The following GOLPH3L variants were observed in gnomAD, a reference collection of about 807,000 sequenced individuals.
GOLPH3L encodes the protein Golgi phosphoprotein 3-like.
In GOLPH3L, 22 loss-of-function variants were observed where a neutral mutation model predicts 30.3. The observed-to-expected ratio is 0.73, with a 90% confidence interval of 0.52 to 1.04. The LOEUF (loss-of-function observed/expected upper bound fraction) is 1.04, where lower values mean the gene tolerates loss of function less well. Ranked by LOEUF, GOLPH3L falls within the 50% of genes least tolerant of loss-of-function variation. The pLI, the probability that GOLPH3L is intolerant of heterozygous loss-of-function variation, is 0.00. For missense variants in GOLPH3L, 303 were observed against 345.8 expected, an observed-to-expected ratio of 0.88 and a Z score of 0.98; for synonymous variants, 120 against 128.2, an observed-to-expected ratio of 0.94 and a Z score of 0.43.
intron 1 of GOLPH3L, 53 bp downstream of exon 1, chr1:150,696,939 T>C (rs1282323334): frequency 6.6e-6 from 1 of 151,996 alleles, no homozygotes; most frequent in Admixed American, 6.6e-5. Context: ...AAATAGAGGT[T>C]TTTTTTGGTG....
intron 2 of GOLPH3L, among the ~76,000 whole-genome samples, chr1:150,670,603 T>A (rs994177947): frequency 6.6e-6 from 1 of 151,082 alleles, no homozygotes; most frequent in African/African-American, 2.5e-5. Flanking sequence ...TCTCAAAAAA[T>A]AAATAAATAA....
chr1:150,657,565 G>A (rs1650268243), intron 4 of GOLPH3L, among the ~76,000 whole-genome samples: 1 of 152,182 alleles, frequency 6.6e-6, no homozygotes, highest in Non-Finnish European at 1.5e-5. Context: ...CACTTTGTCT[G>A]GGCTACATGC....
intron 4 of GOLPH3L, among the ~76,000 whole-genome samples, chr1:150,655,937 C>T (rs1344550017): frequency 6.6e-6 from 1 of 152,178 alleles, no homozygotes; most frequent in African/African-American, 2.4e-5. Flanking sequence ...CTTAGCTGAG[C>T]AAGACTGTGA....
intron 2 of GOLPH3L, among the ~76,000 whole-genome samples, chr1:150,679,389 T>C (rs778121137): frequency 1.3e-5 from 2 of 152,256 alleles, no homozygotes; most frequent in East Asian, 1.9e-4. Flanking sequence ...TTTAGTCTTC[T>C]GGCAGACATT....
intron 2 of GOLPH3L, among the ~76,000 whole-genome samples, chr1:150,684,692 A>T (rs1186565043): frequency 6.6e-6 from 1 of 150,978 alleles, no homozygotes; most frequent in African/African-American, 2.4e-5. Flanking sequence ...TTTTGGAGAG[A>T]GTTTCACTCT....
intron 2 of GOLPH3L, among the ~76,000 whole-genome samples, chr1:150,667,616 C>T (rs1650538838): frequency 7.3e-6 from 1 of 136,698 alleles, no homozygotes; most frequent in Admixed American, 7.8e-5. Context: ...TTTTTTGAGA[C>T]GGAGTCTCTC....
At chr1:150,665,632 AT>A (rs1329817261) in intron 2 of GOLPH3L, among the ~76,000 whole-genome samples, 6 of 152,202 alleles carry the variant, frequency 3.9e-5, no homozygotes, top group African/African-American at 1.4e-4. Flanking sequence ...AATTTTAAAT[AT>A]TAATATTTTA....
intron 2 of GOLPH3L, among the ~76,000 whole-genome samples, chr1:150,665,971 A>T (rs1045476843): frequency 1.3e-5 from 2 of 152,194 alleles, no homozygotes; most frequent in African/African-American, 4.8e-5. Context: ...CACATTGAAG[A>T]TAGTATGCCC....
rs772261699 is a variant in GOLPH3L, at chr1:150,648,426, C to T, written c.753G>A (p.Met251Ile). The change falls in exon 5 of 5, where the codon ATG becomes ATA. Residue 251 changes from methionine to isoleucine, a missense_variant. Transcript: ENST00000271732. ...GTTCTACTAAGTCCTTGGCTCGATT[C>T]ATTGCCACATCATACTTGTCATCTG... ...SLTDDKYDVA[M>I]NRAKDLVELD... 1 of 1,613,614 alleles carries T rather than the reference C, an allele frequency of 6.2e-7. No individual in the cohort carries two copies. Among genetic ancestry groups the T allele is most frequent in the South Asian group, 1.1e-5 (1 of 91,062 alleles).
At chr1:150,689,617 C>T (rs1365953053) in intron 2 of GOLPH3L, among the ~76,000 whole-genome samples, 1 of 152,062 alleles carries the variant, frequency 6.6e-6, no homozygotes, top group Non-Finnish European at 1.5e-5. Flanking sequence ...TGATTGTTTT[C>T]ATAAGACAAT....
At chr1:150,690,552 C>A (rs1039856475) in intron 2 of GOLPH3L, among the ~76,000 whole-genome samples, 3 of 152,168 alleles carry the variant, frequency 2.0e-5, no homozygotes, top group African/African-American at 7.2e-5. Context: ...GGCTGATTCT[C>A]TTTTCCCTAA....
chr1:150,653,291 T>A (rs796996314), intron 4 of GOLPH3L, among the ~76,000 whole-genome samples: 14 of 128,076 alleles, frequency 1.1e-4, no homozygotes, highest in African/African-American at 2.7e-4. Context: ...TAAATCTTTT[T>A]TTTTTTATTT....
At chr1:150,650,667 A>G (rs1340917390) in intron 4 of GOLPH3L, among the ~76,000 whole-genome samples, 1 of 152,182 alleles carries the variant, frequency 6.6e-6, no homozygotes, top group Admixed American at 6.5e-5. Context: ...AATGCAATGC[A>G]CTTGAATCAT....
rs758356479 is a variant in GOLPH3L at position 150,669,441 on chromosome 1, A to T, written c.184-5678T>A. 4.6e-5 allele frequency among the ~76,000 whole-genome samples: 7 copies of T among 152,340 alleles called. No individual in the cohort carries two copies. In the South Asian group the frequency reaches 1.4e-3, roughly 32 times the overall value. On this transcript the variant is annotated intron_variant, in intron 2 of 4. Coordinates refer to ENST00000271732, the MANE Select transcript of GOLPH3L (RefSeq NM_018178.6). The stretch of plus-strand genomic sequence containing the variant: ...AACTTAGTGAATTCTCCAGCCATTC[A>T]TAATAAAGATTCTATATTAAATGGC...
intron 4 of GOLPH3L, among the ~76,000 whole-genome samples, chr1:150,659,487 G>GTCCCTTTATTTCGGCCCA (rs1053157111): frequency 3.3e-5 from 5 of 152,272 alleles, no homozygotes; most frequent in African/African-American, 1.2e-4. Flanking sequence ...GCCAGAGCCC[G>GTCCCTTTATTTCGGCCCA]TCCCTTTATT....
At chr1:150,688,942 T>G (rs1371355125) in intron 2 of GOLPH3L, among the ~76,000 whole-genome samples, 1 of 152,204 alleles carries the variant, frequency 6.6e-6, no homozygotes, top group Non-Finnish European at 1.5e-5. Flanking sequence ...CTTTCTGGCT[T>G]CTACTCCCAG....
At chr1:150,649,510 T>C (rs1319563297) in intron 4 of GOLPH3L, among the ~76,000 whole-genome samples, 1 of 152,140 alleles carries the variant, frequency 6.6e-6, no homozygotes, top group African/African-American at 2.4e-5. Flanking sequence ...TCTATGGCAC[T>C]GGTATGACAA....
intron 2 of GOLPH3L, among the ~76,000 whole-genome samples, chr1:150,689,952 T>A (rs2101820031): frequency 6.6e-6 from 1 of 152,028 alleles, no homozygotes; most frequent in Middle Eastern, 3.4e-3. Context: ...TGCTTAATAT[T>A]TTAAAACCAG....
intron 2 of GOLPH3L, among the ~76,000 whole-genome samples, chr1:150,666,182 C>A (rs1038035756): frequency 6.6e-6 from 1 of 152,108 alleles, no homozygotes; most frequent in Non-Finnish European, 1.5e-5. Context: ...GGTTTCATTT[C>A]TTAGCTTCAA....
Sources: gnomAD v4.1 joint callset for allele counts (sites outside exome capture counted in the v4.1 genomes callset) on GRCh38, gnomAD v4.1.1 for gene constraint, MANE v1.5 for transcripts, NCBI Gene and HGNC (gene_info 2026-07-23, HGNC 2026-07-21) for gene names.